The following MDGA2 variants were observed in gnomAD, a reference collection of about 807,000 sequenced individuals.
MDGA2 encodes the protein MAM domain containing glycosylphosphatidylinositol anchor 2.
In MDGA2, 40 loss-of-function variants were observed where a neutral mutation model predicts 117.8. The observed-to-expected ratio is 0.34, with a 90% CI of 0.26 to 0.44. The LOEUF (loss-of-function observed/expected upper bound fraction) is 0.44. MDGA2 is among the 20% of genes least tolerant of loss of function. The pLI is 1.00. For missense variants in MDGA2, 1,123 were observed against 1,250.6 expected (o/e 0.90, Z 1.54); for synonymous variants, 452 against 439.0 (o/e 1.03, Z -0.37).
intron 1 of MDGA2, among the ~76,000 whole-genome samples, chr14:47,436,241 T>G (rs554886188): frequency 7.9e-5 from 12 of 152,266 alleles, no homozygotes; most frequent in African/African-American, 2.2e-4. Context: ...AAATTCAAGA[T>G]TTTTTAAATG....
intron 10 of MDGA2, among the ~76,000 whole-genome samples, chr14:46,904,762 C>T (rs571153923): frequency 3.9e-5 from 6 of 152,294 alleles, no homozygotes; most frequent in Non-Finnish European, 7.4e-5. Flanking sequence ...TGAAAACTTA[C>T]ATAGTTCTTA....
intron 8 of MDGA2, among the ~76,000 whole-genome samples, chr14:47,034,019 T>C (rs1888753354): frequency 6.6e-6 from 1 of 152,228 alleles, no homozygotes; most frequent in Non-Finnish European, 1.5e-5. Flanking sequence ...AATGACATCG[T>C]TTATTGAAGT....
intron 16 of MDGA2, 64 bp from the exon 17 acceptor site, chr14:46,842,083 T>G: frequency 5.2e-6 from 5 of 962,626 alleles, no homozygotes; most frequent in Non-Finnish European, 8.2e-6. Flanking sequence ...ACGTAGCTAC[T>G]AACACAACCT....
intron 2 of MDGA2, among the ~76,000 whole-genome samples, chr14:47,269,683 T>C (rs1888083532): frequency 6.6e-6 from 1 of 152,182 alleles, no homozygotes; most frequent in Non-Finnish European, 1.5e-5. Context: ...TCTAGGCTCT[T>C]ACTCAGAGCA....
intron 3 of MDGA2, among the ~76,000 whole-genome samples, chr14:47,150,253 G>C (rs914232176): frequency 1.1e-4 from 17 of 152,192 alleles, no homozygotes; most frequent in Non-Finnish European, 2.2e-4. Flanking sequence ...TTCCCAACCA[G>C]GGTTCAGACT....
intron 3 of MDGA2, among the ~76,000 whole-genome samples, chr14:47,175,670 A>G (rs994666871): frequency 1.3e-5 from 2 of 151,496 alleles, no homozygotes; most frequent in African/African-American, 4.9e-5. Flanking sequence ...AGAGCTATCT[A>G]TGACAAACCC....
At chr14:47,515,402 T>C (rs763465810) in intron 1 of MDGA2, among the ~76,000 whole-genome samples, 10 of 152,182 alleles carry the variant, frequency 6.6e-5, no homozygotes, top group Non-Finnish European at 1.2e-4. Flanking sequence ...CAAGCTTGTG[T>C]CGCATGTTGA....
At chr14:47,653,433 T>C (rs1897681851) in intron 1 of MDGA2, among the ~76,000 whole-genome samples, 1 of 152,054 alleles carries the variant, frequency 6.6e-6, no homozygotes, top group Non-Finnish European at 1.5e-5. Context: ...GGGGAAGTAA[T>C]AATTACAAGG....
At chr14:47,593,479 A>T (rs1288079053) in intron 1 of MDGA2, among the ~76,000 whole-genome samples, 1 of 152,208 alleles carries the variant, frequency 6.6e-6, no homozygotes, top group Non-Finnish European at 1.5e-5. Flanking sequence ...GAATGAAACT[A>T]AATGTCCATC....
chr14:47,480,772 T>A (rs1309766052), intron 1 of MDGA2, among the ~76,000 whole-genome samples: 1 of 151,898 alleles, frequency 6.6e-6, no homozygotes, highest in East Asian at 1.9e-4. Flanking sequence ...TTTTGTGGTG[T>A]GCTATAATAT....
intron 1 of MDGA2, among the ~76,000 whole-genome samples, chr14:47,555,817 T>A (rs1895671592): frequency 6.6e-6 from 1 of 152,172 alleles, no homozygotes. Flanking sequence ...GTAATTATTT[T>A]TTCCACAAAC....
intron 3 of MDGA2, among the ~76,000 whole-genome samples, chr14:47,152,409 T>A (rs1883197230): frequency 6.6e-6 from 1 of 152,140 alleles, no homozygotes; most frequent in South Asian, 2.1e-4. Flanking sequence ...AATACCTATT[T>A]TGGGCCAGGA....
chr14:47,105,878 C>T (rs937656425), intron 5 of MDGA2, among the ~76,000 whole-genome samples: 4 of 151,908 alleles, frequency 2.6e-5, no homozygotes, highest in African/African-American at 4.8e-5. Context: ...GAGCTAGGTC[C>T]CAATTCTTTC....
chr14:47,248,427 A>AT (rs1887323079), intron 2 of MDGA2, among the ~76,000 whole-genome samples: 1 of 151,606 alleles, frequency 6.6e-6, no homozygotes, highest in South Asian at 2.1e-4. Context: ...AAAGAAGACA[A>AT]TTTTTTCTGT....
chr14:47,343,758 C>CTAGGCCTTTTTTT (rs1308337639), intron 1 of MDGA2, among the ~76,000 whole-genome samples: 1 of 152,014 alleles, frequency 6.6e-6, no homozygotes, highest in Non-Finnish European at 1.5e-5. Context: ...CCCTAGTGCT[C>CTAGGCCTTTTTTT]TAGGCCTTTT....
intron 1 of MDGA2, among the ~76,000 whole-genome samples, chr14:47,616,363 A>G (rs182189569): frequency 8.1e-4 from 124 of 152,358 alleles, no homozygotes; most frequent in African/African-American, 2.9e-3. Flanking sequence ...TTGTAAGATA[A>G]TTGTTGTTTT....
intron 7 of MDGA2, among the ~76,000 whole-genome samples, chr14:47,050,969 C>G (rs1192426822): frequency 1.3e-5 from 2 of 151,924 alleles, no homozygotes; most frequent in Non-Finnish European, 2.9e-5. Flanking sequence ...TCACATGATC[C>G]AACTAGAATG....
intron 1 of MDGA2, among the ~76,000 whole-genome samples, chr14:47,405,284 C>T (rs969049672): frequency 6.6e-6 from 1 of 152,108 alleles, no homozygotes; most frequent in African/African-American, 2.4e-5. Flanking sequence ...GCCATACCCT[C>T]ATTTTATGTT....
At chr14:46,899,188 C>G (rs1374694641) in intron 10 of MDGA2, among the ~76,000 whole-genome samples, 1 of 152,014 alleles carries the variant, frequency 6.6e-6, no homozygotes, top group Non-Finnish European at 1.5e-5. Flanking sequence ...ATTAATTATA[C>G]CAGGTAATAG....
Sources: gnomAD v4.1 joint callset for allele counts (sites outside exome capture counted in the v4.1 genomes callset) on GRCh38, gnomAD v4.1.1 for gene constraint, MANE v1.5 for transcripts, NCBI Gene and HGNC (gene_info 2026-07-23, HGNC 2026-07-21) for gene names.